The following FSTL4 variants were observed in gnomAD, a reference collection of about 807,000 sequenced individuals.
The protein encoded by FSTL4 is follistatin like 4, also known as follistatin-related protein 4.
A neutral mutation model predicts 78.2 loss-of-function variants in FSTL4; 28 were observed. That is an observed-to-expected ratio of 0.36 (90% confidence interval 0.27 to 0.49). The LOEUF (loss-of-function observed/expected upper bound fraction) is 0.49, where lower values mean the gene tolerates loss of function less well. FSTL4 is among the 20% of genes least tolerant of loss of function. FSTL4 has a pLI of 0.98. For synonymous variants in FSTL4, 422 were observed against 440.5 expected, an observed-to-expected ratio of 0.96 and a Z score of 0.53; for missense variants, 922 against 1,084.9, an observed-to-expected ratio of 0.85 and a Z score of 2.11.
intron 3 of FSTL4, among the ~76,000 whole-genome samples, chr5:133,512,659 T>A (rs1174045709): frequency 6.6e-6 from 1 of 152,222 alleles, no homozygotes; most frequent in Admixed American, 6.5e-5. Context: ...TATTCTGTAA[T>A]AAGATAAATG....
the FSTL4 span, among the ~76,000 whole-genome samples, chr5:133,668,070 A>C: frequency 6.6e-6 from 1 of 152,356 alleles, no homozygotes. Flanking sequence ...TGACAGGACT[A>C]GCAGGTGCTA....
chr5:133,298,687 C>A (rs943565417), intron 6 of FSTL4, among the ~76,000 whole-genome samples: 3 of 152,262 alleles, frequency 2.0e-5, no homozygotes, highest in Non-Finnish European at 4.4e-5. Context: ...GCAGGAAACT[C>A]AGCCATGGTG....
chr5:133,447,169 T>A (rs1037351944), intron 3 of FSTL4, among the ~76,000 whole-genome samples: 6 of 152,154 alleles, frequency 3.9e-5, no homozygotes, highest in African/African-American at 1.4e-4. Flanking sequence ...GGGACAAGCC[T>A]CTTGGTGAGG....
the FSTL4 span, among the ~76,000 whole-genome samples, chr5:133,647,133 C>A: frequency 1.3e-5 from 2 of 152,138 alleles, no homozygotes; most frequent in African/African-American, 4.8e-5. Flanking sequence ...GGGATCTAAT[C>A]TAATAAGCAC....
chr5:133,277,347 T>C (rs1221561521), intron 6 of FSTL4, among the ~76,000 whole-genome samples: 2 of 151,500 alleles, frequency 1.3e-5, no homozygotes, highest in Non-Finnish European at 2.9e-5. Context: ...GGATGATAAT[T>C]GTGTCAGGTA....
At chr5:133,777,480 A>T in the FSTL4 span, among the ~76,000 whole-genome samples, 1 of 152,192 alleles carries the variant, frequency 6.6e-6, no homozygotes, top group Non-Finnish European at 1.5e-5. Flanking sequence ...AGTTTTGAAA[A>T]CTATTTTTTA....
chr5:133,458,160 T>C (rs893240530), intron 3 of FSTL4: 2 of 152,216 alleles, frequency 1.3e-5, no homozygotes, highest in African/African-American at 2.4e-5. Flanking sequence ...AAGGATGATA[T>C]TGTCTTCCAG....
rs144316269 is a variant in FSTL4, at chr5:133,301,672, C to T, written c.727+10982G>A. 2.4e-4 allele frequency among the ~76,000 whole-genome samples: 36 copies of T among 152,246 alleles called. No individual in the cohort carries two copies. The East Asian group carries it at 6.6e-3, about 28-fold the overall frequency. ...TAAACAGTTGTTCTGCCTGAAGCAC[C>T]GTCTGACGAAAAATTGCCCATGCCA... On this transcript the variant is annotated intron_variant, in intron 6 of 15. Transcript: ENST00000265342.
chr5:133,677,465 C>T, the FSTL4 span, among the ~76,000 whole-genome samples: 12 of 152,286 alleles, frequency 7.9e-5, no homozygotes, highest in Admixed American at 3.9e-4. Context: ...GCTATGAAAC[C>T]AGAAATGCTT....
intron 4 of FSTL4, among the ~76,000 whole-genome samples, chr5:133,370,693 G>A (rs569794648): frequency 6.6e-6 from 1 of 152,254 alleles, no homozygotes; most frequent in East Asian, 1.9e-4. Context: ...AATGAGGGAT[G>A]AGGCGGTGCT....
intron 4 of FSTL4, among the ~76,000 whole-genome samples, chr5:133,368,857 G>A (rs1248903806): frequency 6.6e-6 from 1 of 152,194 alleles, no homozygotes; most frequent in Non-Finnish European, 1.5e-5. Context: ...GGACATGTTG[G>A]TTTGTCATCT....
chr5:133,516,035 C>T (rs1260679246), intron 3 of FSTL4, among the ~76,000 whole-genome samples: 1 of 151,826 alleles, frequency 6.6e-6, no homozygotes, highest in Non-Finnish European at 1.5e-5. Flanking sequence ...AAACCTAGCG[C>T]TATTTTTTTT....
chr5:133,345,930 G>A (rs1402622901), intron 4 of FSTL4, among the ~76,000 whole-genome samples: 2 of 152,250 alleles, frequency 1.3e-5, no homozygotes, highest in East Asian at 1.9e-4. Flanking sequence ...CTACTATAAA[G>A]ACACATGCAC....
intron 4 of FSTL4, among the ~76,000 whole-genome samples, chr5:133,336,529 T>G (rs142338201): frequency 3.3e-5 from 5 of 152,348 alleles, no homozygotes; most frequent in Admixed American, 2.6e-4. Context: ...AATGCTCTTC[T>G]GTTAAGGAGG....
chr5:133,484,860 T>G (rs1758101336), intron 3 of FSTL4, among the ~76,000 whole-genome samples: 1 of 152,056 alleles, frequency 6.6e-6, no homozygotes, highest in Non-Finnish European at 1.5e-5. Context: ...TAGAATTAGT[T>G]GAGATCGTGA....
chr5:133,199,175 T>G lies in FSTL4; in HGVS notation c.2449A>C (p.Asn817His), dbSNP rs1003875282. 1 of 1,609,802 alleles carries G rather than the reference T, an allele frequency of 6.2e-7. No homozygotes were observed. Among genetic ancestry groups the G allele is most frequent in the African/African-American group, 1.3e-5 (1 of 74,904 alleles). Residue 817 changes from asparagine (N) to histidine (H), a missense_variant, in exon 16 of 16, where the codon AAT becomes CAT. Physicochemically the swap from Asn to His is moderately conservative, Grantham distance 68. Transcript: ENST00000265342. The surrounding 1 kb of genome is among the most constrained non-coding windows in gnomAD (Gnocchi z 4.4). ...TPARESLFLI[N>H]GRQNTLRCEV... ...CACCGCAGCGTGTTTTGTCTCCCAT[T>G]GATGAGGAACAGTGACTCTCGGGCT...
the FSTL4 span, among the ~76,000 whole-genome samples, chr5:133,746,551 T>C: frequency 1.3e-5 from 2 of 152,008 alleles, no homozygotes; most frequent in Non-Finnish European, 2.9e-5. Context: ...TCACTCTGGA[T>C]AGAAAAAATA....
chr5:133,636,964 C>T, the FSTL4 span, among the ~76,000 whole-genome samples: 1 of 152,144 alleles, frequency 6.6e-6, no homozygotes, highest in African/African-American at 2.4e-5. Flanking sequence ...CATGGTTACA[C>T]AGCTGGTAAG....
At chr5:133,665,497 T>G in the FSTL4 span, among the ~76,000 whole-genome samples, 3 of 152,176 alleles carry the variant, frequency 2.0e-5, no homozygotes, top group Admixed American at 6.5e-5. Context: ...CACCCAGATA[T>G]TCTAAGCCCG....
Sources: gnomAD v4.1 joint callset for allele counts (sites outside exome capture counted in the v4.1 genomes callset) on GRCh38, gnomAD v4.1.1 for gene constraint, Gnocchi (gnomAD v3.1) non-coding constraint, MANE v1.5 for transcripts, NCBI Gene and HGNC (gene_info 2026-07-23, HGNC 2026-07-21) for gene names.